The following DMRT1 variants were observed in gnomAD, a reference collection of about 807,000 sequenced individuals.
The protein encoded by DMRT1 is doublesex and mab-3 related transcription factor 1.
In DMRT1, 7 loss-of-function variants were observed where a neutral mutation model predicts 32.3. That is an observed-to-expected ratio of 0.22 (90% confidence interval 0.12 to 0.41). The LOEUF (loss-of-function observed/expected upper bound fraction) is 0.41. Among genes scored for constraint, DMRT1 ranks in the 10% least tolerant of loss-of-function variants. The pLI, the probability that DMRT1 is intolerant of heterozygous loss-of-function variation, is 1.00. For missense variants in DMRT1, 625 were observed against 500.5 expected (o/e 1.25, Z -2.37); for synonymous variants, 278 against 206.1 (o/e 1.35, Z -2.99).
chr9:903,757 G>T (rs142079886), intron 3 of DMRT1, among the ~76,000 whole-genome samples: 2,848 of 152,274 alleles, frequency 0.019, 86 homozygotes, highest in African/African-American at 0.064. Flanking sequence ...TTGGCCTCTG[G>T]ATACCTGGGG....
In DMRT1 at chr9:921,022, A is replaced by G. The variant is rs12346662; in HGVS notation, c.967+4115A>G. ...CTAGTAGCCTATTTTTTATTGAGGT[A>G]GAATCCACCTAACATTAACTATTAA... is the stretch of plus-strand genomic sequence containing the variant. On this transcript the variant is annotated intron_variant, in intron 4 of 4. Transcript: ENST00000382276. Among the ~76,000 whole-genome samples the G allele has an allele frequency of 8.5e-3, 1,292 of 152,336 alleles. 15 individuals carry two copies. The highest frequency in any genetic ancestry group is 0.03 in the African/African-American group (1,247 of 41,578).
chr9:854,922 C>G (rs377226630), intron 2 of DMRT1, among the ~76,000 whole-genome samples: 2 of 133,312 alleles, frequency 1.5e-5, no homozygotes, highest in Non-Finnish European at 3.3e-5. Context: ...CCCGCCGCCA[C>G]GCCAGGCTAA....
intron 4 of DMRT1, among the ~76,000 whole-genome samples, chr9:967,380 A>G (rs2130023066): frequency 6.6e-6 from 1 of 152,198 alleles, no homozygotes; most frequent in East Asian, 1.9e-4. Context: ...GTGTGATGTA[A>G]TTTATTTACT....
chr9:857,164 A>T (rs1403591123), intron 2 of DMRT1, among the ~76,000 whole-genome samples: 3 of 152,086 alleles, frequency 2.0e-5, no homozygotes, highest in African/African-American at 4.8e-5. Flanking sequence ...AAAATTAGCC[A>T]GGCGTGGTGG....
intron 4 of DMRT1, among the ~76,000 whole-genome samples, chr9:946,701 C>G (rs995653736): frequency 1.3e-5 from 2 of 152,150 alleles, no homozygotes; most frequent in African/African-American, 4.8e-5. Context: ...CAAAATAAAA[C>G]CAGAAAGCAG....
chr9:901,558 C>T (rs1219736122), intron 3 of DMRT1, among the ~76,000 whole-genome samples: 1 of 150,022 alleles, frequency 6.7e-6, no homozygotes, highest in East Asian at 2.0e-4. Context: ...AGCTCCTGAC[C>T]TCAGGTGATC....
At chr9:911,490 T>C (rs912053862) in intron 3 of DMRT1, among the ~76,000 whole-genome samples, 3 of 89,686 alleles carry the variant, frequency 3.3e-5, no homozygotes, top group Admixed American at 2.9e-4. Flanking sequence ...TTTTTTTTTT[T>C]TTTTTTTTTT....
intron 3 of DMRT1, among the ~76,000 whole-genome samples, chr9:907,215 A>G (rs1817807401): frequency 6.6e-6 from 1 of 152,230 alleles, no homozygotes; most frequent in South Asian, 2.1e-4. Flanking sequence ...TTTAAAAAAT[A>G]CAACCTTTTT....
At chr9:903,711 T>C (rs1817671766) in intron 3 of DMRT1, among the ~76,000 whole-genome samples, 1 of 152,186 alleles carries the variant, frequency 6.6e-6, no homozygotes, top group South Asian at 2.1e-4. Context: ...GAGTGTGTTT[T>C]GGTTAAAAAT....
intron 3 of DMRT1, among the ~76,000 whole-genome samples, chr9:902,084 A>G (rs1817604231): frequency 6.6e-6 from 1 of 150,874 alleles, no homozygotes; most frequent in Non-Finnish European, 1.5e-5. Context: ...TAATTTTTGT[A>G]TTTTTAGTCG....
At chr9:950,522 T>C (rs1190733236) in intron 4 of DMRT1, among the ~76,000 whole-genome samples, 3 of 152,220 alleles carry the variant, frequency 2.0e-5, no homozygotes, top group Middle Eastern at 6.8e-3. Context: ...AATATCCACC[T>C]CCCCAAAGGG....
intron 4 of DMRT1, among the ~76,000 whole-genome samples, chr9:954,500 C>T (rs1210989712): frequency 1.3e-5 from 2 of 151,996 alleles, no homozygotes; most frequent in Non-Finnish European, 2.9e-5. Context: ...TAGTCTTAAG[C>T]TTCGAGTCTG....
intron 3 of DMRT1, among the ~76,000 whole-genome samples, chr9:903,110 T>C: frequency 6.6e-6 from 1 of 152,236 alleles, no homozygotes; most frequent in South Asian, 2.1e-4. Flanking sequence ...TATGATGTTT[T>C]CTTCTGCAAC....
intron 4 of DMRT1, among the ~76,000 whole-genome samples, chr9:918,357 G>A (rs1307995568): frequency 6.6e-6 from 1 of 152,214 alleles, no homozygotes; most frequent in East Asian, 1.9e-4. Context: ...ATTTTTTGAA[G>A]CACTGGCGTT....
At chr9:951,096 T>C (rs1819413135) in intron 4 of DMRT1, among the ~76,000 whole-genome samples, 1 of 152,186 alleles carries the variant, frequency 6.6e-6, no homozygotes. Flanking sequence ...TGGAAATAAT[T>C]AAAAGTTCAT....
At chr9:894,247 A>ATGTG in intron 3 of DMRT1, 52 bp downstream of exon 3, 9 of 1,585,462 alleles carry the variant, frequency 5.7e-6, no homozygotes, top group Admixed American at 1.7e-5. Flanking sequence ...AGCCACATGC[A>ATGTG]TGTGCACACA....
intron 2 of DMRT1, among the ~76,000 whole-genome samples, chr9:871,580 A>G (rs541020358): frequency 7.4e-6 from 1 of 135,422 alleles, no homozygotes; most frequent in Non-Finnish European, 1.5e-5. Flanking sequence ...TGACCTCGTG[A>G]TCCGCCCGCC....
chr9:929,977 C>T (rs570208656), intron 4 of DMRT1, among the ~76,000 whole-genome samples: 41 of 152,252 alleles, frequency 2.7e-4, no homozygotes, highest in African/African-American at 9.6e-4. Context: ...AACAGCCTTG[C>T]GTCTGAGCTT....
At chr9:853,756 C>T (rs531907030) in intron 2 of DMRT1, among the ~76,000 whole-genome samples, 9 of 151,824 alleles carry the variant, frequency 5.9e-5, no homozygotes, top group Non-Finnish European at 8.8e-5. Context: ...CCGCCTGCCT[C>T]GGCCTCCCAA....
Sources: gnomAD v4.1 joint callset for allele counts (sites outside exome capture counted in the v4.1 genomes callset) on GRCh38, gnomAD v4.1.1 for gene constraint, MANE v1.5 for transcripts, NCBI Gene and HGNC (gene_info 2026-07-23, HGNC 2026-07-21) for gene names.